The following PUM1 variants were observed in gnomAD, a reference collection of about 807,000 sequenced individuals.
PUM1 encodes the protein pumilio homolog 1.
PUM1 carries 13 observed loss-of-function variants against 131.8 expected under a neutral mutation model. The observed-to-expected ratio is 0.10, with a 90% CI of 0.06 to 0.16. The LOEUF is 0.16. PUM1 is among the 10% of genes least tolerant of loss of function. The pLI, the probability that PUM1 is intolerant of heterozygous loss-of-function variation, is 1.00. For missense variants in PUM1, 961 were observed against 1,512.4 expected (o/e 0.64, Z 6.05); for synonymous variants, 509 against 556.5 (o/e 0.91, Z 1.20).
intron 2 of PUM1, among the ~76,000 whole-genome samples, chr1:31,040,349 G>A (rs1269792857): frequency 1.3e-5 from 2 of 152,182 alleles, no homozygotes; most frequent in African/African-American, 4.8e-5. Context: ...TCAAAGGCAG[G>A]CACCCAACCT....
chr1:30,939,137 A>C (rs1266466360), intron 20 of PUM1, among the ~76,000 whole-genome samples: 1 of 151,976 alleles, frequency 6.6e-6, no homozygotes. Context: ...TTTTTTCTTG[A>C]GTATAGGTCA....
intron 3 of PUM1, among the ~76,000 whole-genome samples, chr1:31,009,144 C>G (rs935914069): frequency 3.6e-4 from 55 of 151,204 alleles, no homozygotes; most frequent in African/African-American, 1.2e-3. Context: ...GATCATGCCA[C>G]TGAACTCCAG....
chr1:31,063,559 A>T (rs1353300505), intron 1 of PUM1, among the ~76,000 whole-genome samples: 1 of 152,204 alleles, frequency 6.6e-6, no homozygotes, highest in Non-Finnish European at 1.5e-5. Flanking sequence ...CCCTGGCTTC[A>T]CCACTACGCA....
Position 30,952,416 on chromosome 1 carries a change from T to C in PUM1, c.2592-53A>G, listed in dbSNP as rs1048457565. 11 of 1,611,032 alleles carry C rather than the reference T, an allele frequency of 6.8e-6. No individual in the cohort carries two copies. The African/African-American group carries it at 1.5e-4, about 21-fold the overall frequency. On this transcript the variant is annotated intron_variant, in intron 15 of 21. Transcript: ENST00000426105. ...ACAGCACTGAAGGAAGACCTGGAGA[T>C]ACATCAGTGTACCTCGGTTTATAGA...
intron 2 of PUM1, chr1:31,055,479 T>C (rs1344599187): frequency 2.3e-6 from 1 of 438,494 alleles, no homozygotes; most frequent in African/African-American, 2.0e-5. Context: ...CTATAATGAC[T>C]ACAGAAAAGT....
At chr1:30,989,598 AAG>A (rs1641705008) in intron 7 of PUM1, among the ~76,000 whole-genome samples, 4 of 150,980 alleles carry the variant, frequency 2.6e-5, no homozygotes, top group Admixed American at 6.6e-5. Context: ...AAAAAAAAAA[AAG>A]AACCACTTCT....
At chr1:31,028,472 G>T (rs961426957) in intron 3 of PUM1, among the ~76,000 whole-genome samples, 3 of 152,064 alleles carry the variant, frequency 2.0e-5, no homozygotes, top group Admixed American at 1.3e-4. Context: ...AGTAAAGGTT[G>T]GCCTTTTATT....
At position 30,981,319 on chromosome 1, in the gene PUM1, C is replaced by A; in HGVS notation, c.1245G>T (p.Pro415=). The change falls in exon 8 of 22, where the codon CCG becomes CCT. Residue 415 remains proline (P), a synonymous_variant. Coordinates refer to ENST00000426105, the MANE Select transcript of PUM1 (RefSeq NM_001020658.2). ...QQYALAAAHQ[P]HIGLAPAAFV... is the part of the protein sequence containing the mutation. ...ATGGGCTTAAGGACTTACCGATGTGCGGCTGATGAGCAGCTGCCAGTGCAT... is the reference window on the plus strand; with the variant it reads ...ATGGGCTTAAGGACTTACCGATGTGAGGCTGATGAGCAGCTGCCAGTGCAT... 1.3e-6 allele frequency: 2 copies of A among 1,590,370 alleles called. No individual in the cohort carries two copies. The highest frequency in any genetic ancestry group is 1.7e-6 in the Non-Finnish European group (2 of 1,164,468).
intron 2 of PUM1, among the ~76,000 whole-genome samples, chr1:31,046,214 C>A (rs1570346572): frequency 6.6e-6 from 1 of 151,756 alleles, no homozygotes; most frequent in East Asian, 2.0e-4. Flanking sequence ...AGGAGAAATC[C>A]CATCTCTACT....
chr1:31,050,903 C>T (rs1455671512), intron 2 of PUM1: 10 of 256,430 alleles, frequency 3.9e-5, no homozygotes, highest in South Asian at 1.8e-4. Flanking sequence ...TGGAGCCACT[C>T]GCAAAAATTC....
At chr1:31,059,151 T>A in intron 2 of PUM1, 53 bp downstream of exon 2, 1 of 1,512,122 alleles carries the variant, frequency 6.6e-7, no homozygotes, top group Non-Finnish European at 8.9e-7. Context: ...ATATCCTAAG[T>A]GGACAGTGAT....
chr1:30,974,117 A>G (rs1286632686), intron 10 of PUM1, among the ~76,000 whole-genome samples: 1 of 152,126 alleles, frequency 6.6e-6, no homozygotes, highest in Non-Finnish European at 1.5e-5. Context: ...TATTCTAGCA[A>G]TCAAGGAGGA....
intron 5 of PUM1, among the ~76,000 whole-genome samples, chr1:31,005,243 T>C (rs1642358082): frequency 1.3e-5 from 2 of 152,190 alleles, no homozygotes; most frequent in African/African-American, 4.8e-5. Context: ...CTTATTTGAC[T>C]TCAGTTTAGC....
At position 30,931,611 on chromosome 1, in the gene PUM1, G is replaced by A. The variant is rs1167341351; in HGVS notation, c.*1600C>T. 2.6e-5 allele frequency: 4 copies of A among 152,572 alleles called. No homozygotes were observed. The highest frequency in any genetic ancestry group is 2.6e-4 in the Admixed American group (4 of 15,266). 9.5% of individuals were successfully genotyped at this position (152,572 alleles called of 1,614,324 possible). On this transcript the variant is annotated 3_prime_UTR_variant, in exon 22 of 22. Coordinates refer to ENST00000426105, the MANE Select transcript of PUM1 (RefSeq NM_001020658.2). Reference sequence around the variant, plus strand: ...GTTGCCCAGGCATAAGCATACACAGGTTTGTTAATTATACACATATGGTTA... The same window carrying A: ...GTTGCCCAGGCATAAGCATACACAGATTTGTTAATTATACACATATGGTTA...
At chr1:31,044,390 A>G (rs376358372) in intron 2 of PUM1, among the ~76,000 whole-genome samples, 1 of 152,122 alleles carries the variant, frequency 6.6e-6, no homozygotes, top group South Asian at 2.1e-4. Context: ...CGACAGCGAG[A>G]CTCCATCTAA....
At chr1:31,064,763 C>G (rs946915073) in intron 1 of PUM1, among the ~76,000 whole-genome samples, 3 of 2,402 alleles carry the variant, frequency 1.2e-3, no homozygotes, top group Non-Finnish European at 1.4e-3. Flanking sequence ...GTTTTTTCAG[C>G]GGGGGGGGGG....
chr1:31,026,497 A>G (rs1643228866), intron 3 of PUM1, among the ~76,000 whole-genome samples: 1 of 152,174 alleles, frequency 6.6e-6, no homozygotes, highest in African/African-American at 2.4e-5. Flanking sequence ...CTTTCTGTTT[A>G]TATGTATATT....
intron 9 of PUM1, among the ~76,000 whole-genome samples, chr1:30,978,583 A>C (rs148633310): frequency 1.3e-5 from 2 of 152,254 alleles, no homozygotes; most frequent in African/African-American, 2.4e-5. Flanking sequence ...CATGTTACAT[A>C]ATAAGTAGTA....
chr1:30,972,685 A>G lies in PUM1; in HGVS notation c.1506+1966T>C, dbSNP rs566855252. 3.3e-5 allele frequency among the ~76,000 whole-genome samples: 5 copies of G among 151,388 alleles called. No homozygotes were observed. In the South Asian group the frequency reaches 1.0e-3, roughly 32 times the overall value. ...GCTACTCAGGAGGCTGAGGCAGAAGAATCACTTGAACCCAGGAGGCAGAGG... is the reference window on the plus strand; with the variant it reads ...GCTACTCAGGAGGCTGAGGCAGAAGGATCACTTGAACCCAGGAGGCAGAGG... On this transcript the variant is annotated intron_variant, in intron 10 of 21. Transcript: ENST00000426105.
Sources: gnomAD v4.1 joint callset for allele counts (sites outside exome capture counted in the v4.1 genomes callset) on GRCh38, gnomAD v4.1.1 for gene constraint, MANE v1.5 for transcripts, NCBI Gene and HGNC (gene_info 2026-07-23, HGNC 2026-07-21) for gene names.